F13A1: variants seen among roughly 807,000 people sequenced by gnomAD.
F13A1 encodes the protein coagulation factor XIII A chain, also known as FSF, A subunit.
Under a neutral mutation model 80.1 loss-of-function variants are expected in F13A1, and 47 were observed. The observed-to-expected ratio is 0.59, with a 90% CI of 0.46 to 0.75. F13A1 has a LOEUF of 0.75. Ranked by LOEUF, F13A1 falls within the 30% of genes least tolerant of loss-of-function variation. The pLI is 0.00. For missense variants in F13A1, 817 were observed against 930.4 expected (o/e 0.88, Z 1.59); for synonymous variants, 349 against 344.9 (o/e 1.01, Z -0.13).
At chr6:6,288,812 CTTG>C (rs1324850408) in intron 3 of F13A1, among the ~76,000 whole-genome samples, 3 of 152,220 alleles carry the variant, frequency 2.0e-5, no homozygotes. Flanking sequence ...CTTGCCAAGG[CTTG>C]TTATCATTCT....
intron 14 of F13A1, among the ~76,000 whole-genome samples, chr6:6,149,748 A>G (rs1246155157): frequency 1.3e-5 from 2 of 152,220 alleles, no homozygotes; most frequent in Non-Finnish European, 2.9e-5. Flanking sequence ...CAGCAGCTCA[A>G]ACTGACTAAG....
chr6:6,226,586 C>T (rs992099901), intron 6 of F13A1, among the ~76,000 whole-genome samples: 2 of 152,136 alleles, frequency 1.3e-5, no homozygotes, highest in East Asian at 3.8e-4. Context: ...TGCCTAGACC[C>T]CTCTTTTTGA....
At chr6:6,317,939 C>G (rs1758708226) in intron 2 of F13A1, among the ~76,000 whole-genome samples, 1 of 152,210 alleles carries the variant, frequency 6.6e-6, no homozygotes, top group African/African-American at 2.4e-5. Flanking sequence ...CTGCCGGCTG[C>G]TGTACCCGGA....
intron 2 of F13A1, among the ~76,000 whole-genome samples, chr6:6,313,254 A>G (rs80231304): frequency 0.14 from 20,994 of 150,010 alleles, 1,991 homozygotes; most frequent in Non-Finnish European, 0.21. Flanking sequence ...TTCCTGGCAA[A>G]ATGGAACAGC....
intron 3 of F13A1, among the ~76,000 whole-genome samples, chr6:6,303,140 A>T (rs1758459529): frequency 6.6e-6 from 1 of 152,202 alleles, no homozygotes; most frequent in South Asian, 2.1e-4. Context: ...CCATTTCTGG[A>T]TTCTCTATTA....
intron 3 of F13A1, among the ~76,000 whole-genome samples, chr6:6,276,156 T>C (rs1362022652): frequency 6.6e-6 from 1 of 152,204 alleles, no homozygotes; most frequent in East Asian, 1.9e-4. Context: ...CCTGCACCCC[T>C]AGAATCTTCT....
intron 10 of F13A1, among the ~76,000 whole-genome samples, chr6:6,191,413 A>G (rs1761196521): frequency 6.6e-6 from 1 of 152,180 alleles, no homozygotes; most frequent in East Asian, 1.9e-4. Flanking sequence ...GGTTATCATC[A>G]CACAAAATCT....
At chr6:6,278,953 CCT>C (rs1443998639) in intron 3 of F13A1, among the ~76,000 whole-genome samples, 4 of 152,138 alleles carry the variant, frequency 2.6e-5, no homozygotes, top group African/African-American at 9.7e-5. Context: ...GATCTCTTGA[CCT>C]CTCAATATTC....
rs181838774 is a variant in F13A1, at chr6:6,255,443, G to C, written c.572-4514C>G. ...AGTTGTGAAGCTAGGATTTGAATAA[G>C]CTGCCTTCTAAGTAGTCCATGGCTC... On this transcript the variant is annotated intron_variant, in intron 4 of 14. Transcript: ENST00000264870. Among the ~76,000 whole-genome samples, 573 of 152,234 alleles carry C rather than the reference G, an allele frequency of 3.8e-3. 3 individuals are homozygous for C. The highest frequency in any genetic ancestry group is 5.5e-3 in the Non-Finnish European group (374 of 68,022).
rs535180974 is a variant in F13A1 at position 6,185,491 on chromosome 6, G to A, written c.1306-3350C>T. Among the ~76,000 whole-genome samples the A allele has an allele frequency of 3.6e-3, 548 of 151,416 alleles. 1 individual carries two copies. Among genetic ancestry groups the A allele is most frequent in the African/African-American group, 0.013 (526 of 41,390 alleles). On this transcript the variant is annotated intron_variant, in intron 10 of 14. Coordinates refer to ENST00000264870, the MANE Select transcript of F13A1 (RefSeq NM_000129.4). ...GCGGTGTTTGGTTTTTGGTTCTTGAGATAGTTTACTGAGAATGATGATTTC... is the reference window on the plus strand; with the variant it reads ...GCGGTGTTTGGTTTTTGGTTCTTGAAATAGTTTACTGAGAATGATGATTTC...
At chr6:6,233,747 G>T (rs527478738) in intron 6 of F13A1, among the ~76,000 whole-genome samples, 3 of 151,926 alleles carry the variant, frequency 2.0e-5, no homozygotes, top group South Asian at 2.1e-4. Context: ...AAGATAATCC[G>T]CCATGATCAA....
At chr6:6,268,995 G>GT (rs559294187) in intron 3 of F13A1, among the ~76,000 whole-genome samples, 4,565 of 144,126 alleles carry the variant, frequency 0.032, 212 homozygotes, top group African/African-American at 0.1. Flanking sequence ...CTGGCAAATT[G>GT]TTTTTTTTTT....
At chr6:6,169,476 G>A (rs1414221617) in intron 12 of F13A1, 1 of 154,230 alleles carries the variant, frequency 6.5e-6, no homozygotes, top group African/African-American at 2.4e-5. Flanking sequence ...GAAGGGGTAA[G>A]TTAGGGCAGA....
chr6:6,263,557 C>T (rs779590739), intron 4 of F13A1, among the ~76,000 whole-genome samples: 33 of 152,300 alleles, frequency 2.2e-4, no homozygotes, highest in African/African-American at 7.2e-4. Flanking sequence ...TGCTCCTAAC[C>T]GTGCCCATGT....
At position 6,145,585 on chromosome 6, in the gene F13A1, C is replaced by T. The variant is rs749866867; in HGVS notation, c.*34G>A. On this transcript the variant is annotated 3_prime_UTR_variant, in exon 15 of 15. Coordinates refer to ENST00000264870, the MANE Select transcript of F13A1 (RefSeq NM_000129.4). Reference sequence around the variant, plus strand: ...TTCCTTAGCCAAGACTACAAGAGGCCAAATGCCAGGGTTCATCTCAGCTTC... The same window carrying T: ...TTCCTTAGCCAAGACTACAAGAGGCTAAATGCCAGGGTTCATCTCAGCTTC... 1.2e-6 allele frequency: 2 copies of T among 1,613,900 alleles called. No homozygotes were observed. Among genetic ancestry groups the T allele is most frequent in the African/African-American group, 2.7e-5 (2 of 74,916 alleles).
At chr6:6,294,357 T>C (rs1293851693) in intron 3 of F13A1, among the ~76,000 whole-genome samples, 1 of 152,202 alleles carries the variant, frequency 6.6e-6, no homozygotes, top group Non-Finnish European at 1.5e-5. Flanking sequence ...CTTTCTCCCA[T>C]GCTGGATGCT....
At chr6:6,209,339 A>C (rs986506976) in intron 8 of F13A1, among the ~76,000 whole-genome samples, 39 of 150,130 alleles carry the variant, frequency 2.6e-4, no homozygotes, top group Non-Finnish European at 4.2e-4. Context: ...AAAAAAAAAA[A>C]CAGAAAATAA....
intron 4 of F13A1, among the ~76,000 whole-genome samples, chr6:6,265,668 C>T (rs1757833431): frequency 6.6e-6 from 1 of 152,188 alleles, no homozygotes; most frequent in African/African-American, 2.4e-5. Context: ...AGTACAGCTA[C>T]ATCTTTGCAC....
In F13A1 at chr6:6,197,264, C is replaced by A. The variant is rs960661801; in HGVS notation, c.1175G>T (p.Gly392Val). Residue 392 changes from glycine (G) to valine (V), a missense_variant, in exon 9 of 15, where the codon GGC (glycine) becomes GTC (valine). Transcript: ENST00000264870. ...TRPDLPVGFG[G>V]WQAVDSTPQE... ...GGGGGTGCTGTCCACAGCTTGCCAG[C>A]CTCCAAATCCAACAGGAAGGTCAGG... is the stretch of plus-strand genomic sequence containing the variant. 1 of 1,614,214 alleles carries A rather than the reference C, an allele frequency of 6.2e-7. No homozygotes were observed.
Sources: allele counts gnomAD v4.1 joint callset (sites outside exome capture counted in the v4.1 genomes callset), GRCh38; gene constraint gnomAD v4.1.1; transcripts MANE v1.5; gene names NCBI Gene and HGNC (gene_info 2026-07-23, HGNC 2026-07-21).